The following COL4A6 variants were observed in gnomAD, a reference collection of about 807,000 sequenced individuals.
The protein encoded by COL4A6 is collagen alpha-6(IV) chain.
In COL4A6, 59 loss-of-function variants were observed where a neutral mutation model predicts 126.7. That is an observed-to-expected ratio of 0.47 (90% CI 0.38 to 0.58). The LOEUF (loss-of-function observed/expected upper bound fraction) is 0.58, where lower values mean the gene tolerates loss of function less well. Ranked by LOEUF, COL4A6 falls within the 20% of genes least tolerant of loss-of-function variation. COL4A6 has a pLI of 0.00. For synonymous variants in COL4A6, 547 were observed against 496.6 expected (o/e 1.10, Z -1.35); for missense variants, 1,285 against 1,337.3 (o/e 0.96, Z 0.61).
intron 2 of COL4A6, among the ~76,000 whole-genome samples, chrX:108,362,198 T>C (rs2040102476): frequency 1.8e-5 from 2 of 111,933 alleles, no homozygotes; most frequent in African/African-American, 6.5e-5. Context: ...ATAACTATTT[T>C]GCCTGCCTGT....
intron 2 of COL4A6, among the ~76,000 whole-genome samples, chrX:108,346,469 T>C (rs1332630557): frequency 8.9e-6 from 1 of 111,953 alleles, no homozygotes; most frequent in African/African-American, 3.3e-5. Context: ...TTCTTCTCTT[T>C]GGAGAGAGCC....
intron 2 of COL4A6, among the ~76,000 whole-genome samples, chrX:108,324,965 G>A (rs1360609031): frequency 1.8e-5 from 2 of 112,368 alleles, no homozygotes; most frequent in Middle Eastern, 4.2e-3. Flanking sequence ...ATATTAAGCT[G>A]TAAATCCTTT....
At chrX:108,166,868 A>G (rs1053021168) in intron 37 of COL4A6, among the ~76,000 whole-genome samples, 4 of 110,255 alleles carry the variant, frequency 3.6e-5, no homozygotes, top group Admixed American at 1.9e-4. Context: ...CTACACATAT[A>G]TTATGTATAT....
intron 3 of COL4A6, among the ~76,000 whole-genome samples, chrX:108,247,172 C>T (rs2036738297): frequency 9.0e-6 from 1 of 110,722 alleles, no homozygotes; most frequent in South Asian, 3.9e-4. Context: ...GGCATAGATT[C>T]TGGAGACTGC....
chrX:108,161,167 T>C (rs780672542), intron 42 of COL4A6, among the ~76,000 whole-genome samples: 1 of 111,970 alleles, frequency 8.9e-6, no homozygotes, highest in Non-Finnish European at 1.9e-5. Context: ...AACTGTTCTC[T>C]ACTCAGGACA....
At chrX:108,349,913 T>C (rs1422087318) in intron 2 of COL4A6, among the ~76,000 whole-genome samples, 1 of 111,929 alleles carries the variant, frequency 8.9e-6, no homozygotes, top group African/African-American at 3.3e-5. Flanking sequence ...ACTCCCTAGG[T>C]GAGCCACATG....
intron 3 of COL4A6, among the ~76,000 whole-genome samples, chrX:108,275,119 T>C (rs1445445904): frequency 9.0e-6 from 1 of 111,550 alleles, no homozygotes; most frequent in Non-Finnish European, 1.9e-5. Flanking sequence ...TCAAGTGGTA[T>C]TCTATTTTGA....
At chrX:108,311,913 G>A (rs1158079615) in intron 2 of COL4A6, among the ~76,000 whole-genome samples, 1 of 111,558 alleles carries the variant, frequency 9.0e-6, no homozygotes, top group Admixed American at 9.5e-5. Flanking sequence ...ATTTGAACTC[G>A]GGTCTGACTA....
chrX:108,316,178 A>C (rs2038876927), intron 2 of COL4A6, among the ~76,000 whole-genome samples: 1 of 112,051 alleles, frequency 8.9e-6, no homozygotes, highest in Non-Finnish European at 1.9e-5. Context: ...CTTTGTGAGC[A>C]ATTTTCTCCA....
At chrX:108,207,641 G>C (rs1227884117) in intron 8 of COL4A6, among the ~76,000 whole-genome samples, 4 of 111,397 alleles carry the variant, frequency 3.6e-5, no homozygotes, top group African/African-American at 1.3e-4. Flanking sequence ...TTTTATAAAA[G>C]GATGGTTGCA....
Position 108,161,602 on chromosome X carries a change from A to G in COL4A6, c.4333+17T>C. On this transcript the variant is annotated intron_variant, in intron 42 of 44. Coordinates refer to ENST00000334504, the MANE Select transcript of COL4A6 (RefSeq NM_033641.4). ...CCATCCCCGCCCCGCCCGCCTCCTAATGTGGCATCATCAGACCTTCAAATC... is the reference window on the plus strand; with the variant it reads ...CCATCCCCGCCCCGCCCGCCTCCTAGTGTGGCATCATCAGACCTTCAAATC... The G allele has an allele frequency of 1.1e-6, 1 of 907,839 alleles. No homozygotes were observed. 74.8% of individuals were successfully genotyped at this position (907,839 alleles called of 1,213,427 possible).
chrX:108,347,332 G>A (rs973573227), intron 2 of COL4A6, among the ~76,000 whole-genome samples: 3 of 112,426 alleles, frequency 2.7e-5, no homozygotes, highest in Admixed American at 9.4e-5. Context: ...TGGCCCTGGG[G>A]AGAATCAATT....
At chrX:108,187,787 C>T (rs971136541) in intron 22 of COL4A6, 61 bp downstream of exon 22, 7 of 1,069,028 alleles carry the variant, frequency 6.5e-6, no homozygotes, top group Non-Finnish European at 7.6e-6. Context: ...GCCATCAGAC[C>T]CCCCAACAAA....
intron 32 of COL4A6, 97 bp downstream of exon 32, chrX:108,172,365 GAAAAAAA>G (rs397935341): frequency 9.0e-5 from 10 of 111,286 alleles, no homozygotes; most frequent in Admixed American, 3.3e-4. Flanking sequence ...GCCTAAAAAA[GAAAAAAA>G]AAAAAAAAAA....
chrX:108,309,389 A>T (rs376705298), intron 3 of COL4A6, among the ~76,000 whole-genome samples: 16 of 111,083 alleles, frequency 1.4e-4, no homozygotes, highest in African/African-American at 4.6e-4. Flanking sequence ...ATGTGATCCC[A>T]GGAAGTAATT....
chrX:108,292,164 A>G lies in COL4A6; in HGVS notation c.144+18584T>C, dbSNP rs750275428. On this transcript the variant is annotated intron_variant, in intron 3 of 44. Coordinates refer to ENST00000334504, the MANE Select transcript of COL4A6 (RefSeq NM_033641.4). Reference sequence around the variant, plus strand: ...TAATTCCATTTATAGCATTGTTCTTATGGAAGCAATTTTCTTCGAATATCA... The same window carrying G: ...TAATTCCATTTATAGCATTGTTCTTGTGGAAGCAATTTTCTTCGAATATCA... Among the ~76,000 whole-genome samples the G allele has an allele frequency of 1.7e-4, 19 of 112,101 alleles. No homozygotes were observed. In the East Asian group the frequency reaches 5.3e-3, roughly 31 times the overall value.
chrX:108,257,471 GT>G (rs770645473), intron 3 of COL4A6, among the ~76,000 whole-genome samples: 5 of 111,698 alleles, frequency 4.5e-5, no homozygotes, highest in Non-Finnish European at 7.5e-5. Flanking sequence ...ACTGTGCATG[GT>G]AAGAATACTA....
Position 108,248,791 on chromosome X carries a change from G to A in COL4A6, c.145-27417C>T, listed in dbSNP as rs1182117384. ...GCTGCACAGTGAGAGGTGAGCAGAG[G>A]GTGAGTAAGTGAAGCTTCATCTGTA... is the stretch of plus-strand genomic sequence containing the variant. On this transcript the variant is annotated intron_variant, in intron 3 of 44. Transcript: ENST00000334504. Among the ~76,000 whole-genome samples the A allele has an allele frequency of 5.4e-5, 6 of 110,545 alleles. No homozygotes were observed. The East Asian group carries it at 1.7e-3, about 32-fold the overall frequency.
chrX:108,275,455 T>G (rs1375783471), intron 3 of COL4A6, among the ~76,000 whole-genome samples: 1 of 112,488 alleles, frequency 8.9e-6, no homozygotes, highest in Non-Finnish European at 1.9e-5. Flanking sequence ...TAAAATCCTA[T>G]GCATCCCACA....
Sources: gnomAD v4.1 joint callset for allele counts (sites outside exome capture counted in the v4.1 genomes callset) on GRCh38, gnomAD v4.1.1 for gene constraint, MANE v1.5 for transcripts, NCBI Gene and HGNC (gene_info 2026-07-23, HGNC 2026-07-21) for gene names.